CCSER1: variants seen among roughly 807,000 people sequenced by gnomAD.
CCSER1 encodes the protein serine-rich coiled-coil domain-containing protein 1.
Under a neutral mutation model 82.0 loss-of-function variants are expected in CCSER1, and 41 were observed. The ratio of observed to expected loss-of-function variants is 0.50; its 90% CI spans 0.39 to 0.65. CCSER1 has a LOEUF of 0.65. Ranked by LOEUF, CCSER1 falls within the 30% of genes least tolerant of loss-of-function variation. The pLI is 0.00. For synonymous variants in CCSER1, 414 were observed against 383.9 expected (o/e 1.08, Z -0.92); for missense variants, 1,119 against 1,064.2 (o/e 1.05, Z -0.72).
At chr4:90,781,546 A>G in intron 7 of CCSER1, 1 of 980,254 alleles carries the variant, frequency 1.0e-6, no homozygotes, top group Non-Finnish European at 1.2e-6. Flanking sequence ...TTTTTTGATA[A>G]AATATGAAAT....
intron 10 of CCSER1, among the ~76,000 whole-genome samples, chr4:91,196,536 C>T (rs973171090): frequency 6.6e-6 from 1 of 151,834 alleles, no homozygotes; most frequent in Non-Finnish European, 1.5e-5. Context: ...AAGAAAAATC[C>T]GCAGTCATGA....
intron 8 of CCSER1, among the ~76,000 whole-genome samples, chr4:90,892,889 T>C (rs1723157110): frequency 6.6e-6 from 1 of 152,094 alleles, no homozygotes; most frequent in Admixed American, 6.6e-5. Flanking sequence ...ATTTTTCTTT[T>C]CTTTGTTTAT....
intron 5 of CCSER1, among the ~76,000 whole-genome samples, chr4:90,485,733 G>C (rs1205040837): frequency 4.6e-5 from 7 of 151,978 alleles, no homozygotes; most frequent in Non-Finnish European, 1.0e-4. Context: ...AGTGTGTGTT[G>C]TTCCCCTCTA....
chr4:90,316,833 G>A (rs1177321743), intron 3 of CCSER1, among the ~76,000 whole-genome samples: 3 of 152,174 alleles, frequency 2.0e-5, no homozygotes, highest in Non-Finnish European at 4.4e-5. Context: ...AGGACAGGAT[G>A]TATGAACTCT....
chr4:90,572,816 A>G (rs1029145103), intron 5 of CCSER1, among the ~76,000 whole-genome samples: 1 of 152,172 alleles, frequency 6.6e-6, no homozygotes, highest in African/African-American at 2.4e-5. Context: ...GGCAGTTTAT[A>G]CATCCTCATT....
intron 7 of CCSER1, among the ~76,000 whole-genome samples, chr4:90,745,069 G>T (rs1747189601): frequency 6.6e-6 from 1 of 151,996 alleles, no homozygotes; most frequent in South Asian, 2.1e-4. Context: ...CACACATTTA[G>T]TATCTTAACA....
In CCSER1 at chr4:91,603,832, G is replaced by C. The variant is rs1259499031; in HGVS notation, c.*4775G>C. On this transcript the variant is annotated 3_prime_UTR_variant, in exon 11 of 11. Coordinates refer to ENST00000509176, the MANE Select transcript of CCSER1 (RefSeq NM_001145065.2). The stretch of plus-strand genomic sequence containing the variant: ...TGGGGCAGAATAAATTATTGGTGAG[G>C]ATCTGCTTCCTGATTTGCATGTTGG... 1 of 151,936 alleles carries C rather than the reference G, an allele frequency of 6.6e-6. No individual in the cohort carries two copies. Among genetic ancestry groups the C allele is most frequent in the Non-Finnish European group, 1.5e-5 (1 of 67,964 alleles). 9.4% of individuals were successfully genotyped at this position (151,936 alleles called of 1,614,324 possible).
intron 4 of CCSER1, among the ~76,000 whole-genome samples, chr4:90,467,071 G>C (rs1763738513): frequency 6.6e-6 from 1 of 152,054 alleles, no homozygotes; most frequent in Non-Finnish European, 1.5e-5. Flanking sequence ...ATCACACATT[G>C]AATGAAATAA....
intron 10 of CCSER1, among the ~76,000 whole-genome samples, chr4:91,149,269 A>G (rs1729877534): frequency 6.6e-6 from 1 of 152,232 alleles, no homozygotes; most frequent in Non-Finnish European, 1.5e-5. Context: ...TGTTGGCTGC[A>G]TAAATGTCTT....
intron 1 of CCSER1, among the ~76,000 whole-genome samples, chr4:90,267,088 C>A (rs987220255): frequency 6.6e-6 from 1 of 152,074 alleles, no homozygotes; most frequent in Non-Finnish European, 1.5e-5. Context: ...TCTAGGCCTA[C>A]CCTGGGCCAG....
Position 90,375,036 on chromosome 4 carries a change from C to G in CCSER1, c.1510-25000C>G, listed in dbSNP as rs369569691. ...CTTCACTTCCTCCTGGTCAATAAACCTAGAAAGAAGATTGGCCATGAAGTG... is the reference window on the plus strand; with the variant it reads ...CTTCACTTCCTCCTGGTCAATAAACGTAGAAAGAAGATTGGCCATGAAGTG... On this transcript the variant is annotated intron_variant, in intron 3 of 10. Transcript: ENST00000509176. Among the ~76,000 whole-genome samples the G allele has an allele frequency of 5.9e-5, 9 of 152,202 alleles. 1 individual carries two copies. The highest frequency in any genetic ancestry group is 2.2e-4 in the African/African-American group (9 of 41,530).
At chr4:90,254,531 A>C (rs1257691556) in intron 1 of CCSER1, among the ~76,000 whole-genome samples, 1 of 152,134 alleles carries the variant, frequency 6.6e-6, no homozygotes, top group Non-Finnish European at 1.5e-5. Context: ...AGAGGAAAGG[A>C]ACAGGGATCA....
chr4:90,961,811 A>G lies in CCSER1; in HGVS notation c.2172+38364A>G, dbSNP rs528291663. ...ATAGGCTTCAATGTCAATATAATAT[A>G]GAATTGTTTTAAACAGTTCCTTTTT... On this transcript the variant is annotated intron_variant, in intron 9 of 10. Transcript: ENST00000509176. Among the ~76,000 whole-genome samples, 38 of 152,224 alleles carry G rather than the reference A, an allele frequency of 2.5e-4. No individual in the cohort carries two copies. The South Asian group carries it at 7.7e-3, about 31-fold the overall frequency.
intron 7 of CCSER1, among the ~76,000 whole-genome samples, chr4:90,804,319 TTTC>T (rs1757225997): frequency 6.6e-6 from 1 of 152,222 alleles, no homozygotes; most frequent in Admixed American, 6.5e-5. Context: ...TTGCCCAAGT[TTTC>T]TTCTAGAATT....
chr4:90,643,396 C>T (rs1438845842), intron 6 of CCSER1, among the ~76,000 whole-genome samples: 1 of 152,136 alleles, frequency 6.6e-6, no homozygotes, highest in Non-Finnish European at 1.5e-5. Context: ...ATTAAACTGT[C>T]ATGGGAGGCA....
intron 6 of CCSER1, among the ~76,000 whole-genome samples, chr4:90,658,983 G>A (rs573609087): frequency 5.9e-4 from 90 of 151,464 alleles, no homozygotes; most frequent in African/African-American, 1.8e-3. Flanking sequence ...TTTTCTTCCC[G>A]TTTTCTTGCC....
At chr4:91,474,815 A>ATATATATATATG (rs1560700786) in intron 10 of CCSER1, among the ~76,000 whole-genome samples, 2 of 63,408 alleles carry the variant, frequency 3.2e-5, no homozygotes, top group African/African-American at 1.2e-4. Context: ...ATATATATAC[A>ATATATATATATG]CACACACACA....
At chr4:90,983,057 T>A (rs185300758) in intron 9 of CCSER1, among the ~76,000 whole-genome samples, 1 of 151,872 alleles carries the variant, frequency 6.6e-6, no homozygotes, top group Non-Finnish European at 1.5e-5. Flanking sequence ...TGACTTACGC[T>A]ATGCATATTC....
intron 5 of CCSER1, among the ~76,000 whole-genome samples, chr4:90,484,209 GT>G (rs1417249237): frequency 5.9e-5 from 9 of 152,102 alleles, no homozygotes; most frequent in Admixed American, 1.3e-4. Context: ...CTCGTGCGTG[GT>G]TTTTGGCTCC....
Sources: allele counts gnomAD v4.1 joint callset (sites outside exome capture counted in the v4.1 genomes callset), GRCh38; gene constraint gnomAD v4.1.1; transcripts MANE v1.5; gene names NCBI Gene and HGNC (gene_info 2026-07-23, HGNC 2026-07-21).